FAT3: variants seen among roughly 807,000 people sequenced by gnomAD.
The protein encoded by FAT3 is FAT atypical cadherin 3.
FAT3 carries 95 observed loss-of-function variants against 310.2 expected under a neutral mutation model. The observed-to-expected ratio is 0.31, with a 90% CI of 0.26 to 0.36. The LOEUF is 0.36. FAT3 is among the 10% of genes least tolerant of loss of function. The pLI, the probability that FAT3 is intolerant of heterozygous loss-of-function variation, is 1.00. For synonymous variants in FAT3, 2,314 were observed against 2,192.9 expected, an observed-to-expected ratio of 1.06 and a Z score of -1.54; for missense variants, 5,408 against 5,715.6, an observed-to-expected ratio of 0.95 and a Z score of 1.74.
chr11:92,495,468 A>G (rs1454928141), intron 2 of FAT3, among the ~76,000 whole-genome samples: 2 of 152,110 alleles, frequency 1.3e-5, no homozygotes, highest in African/African-American at 4.8e-5. Context: ...ATTTTTCACT[A>G]TGATTTTCAT....
At chr11:92,300,202 C>T (rs947246564) in intron 1 of FAT3, among the ~76,000 whole-genome samples, 1 of 152,118 alleles carries the variant, frequency 6.6e-6, no homozygotes, top group Non-Finnish European at 1.5e-5. Flanking sequence ...ACTTACATGT[C>T]ATTATTCGTT....
chr11:92,371,946 G>A (rs772863471), intron 2 of FAT3, among the ~76,000 whole-genome samples: 1 of 152,172 alleles, frequency 6.6e-6, no homozygotes, highest in Non-Finnish European at 1.5e-5. Context: ...GGATGAAATG[G>A]AGACCACATA....
At chr11:92,820,921 A>G (rs1202984610) in intron 13 of FAT3, among the ~76,000 whole-genome samples, 1 of 152,128 alleles carries the variant, frequency 6.6e-6, no homozygotes, top group Non-Finnish European at 1.5e-5. Flanking sequence ...CACAGGTTCT[A>G]CTCTCCAAGG....
intron 2 of FAT3, among the ~76,000 whole-genome samples, chr11:92,467,296 C>T (rs12269974): frequency 0.055 from 8,395 of 151,778 alleles, 484 homozygotes; most frequent in African/African-American, 0.14. Flanking sequence ...GATGGTATCT[C>T]GTTGTTTTGA....
chr11:92,694,643 T>C lies in FAT3; in HGVS notation c.3608-2741T>C, dbSNP rs527840904. On this transcript the variant is annotated intron_variant, in intron 3 of 27. Transcript: ENST00000525166. ...GCCACACCACAATGGGCTGTGGCCATGTGACCCTGGGCAAGGAGCACCTGT... is the reference window on the plus strand; with the variant it reads ...GCCACACCACAATGGGCTGTGGCCACGTGACCCTGGGCAAGGAGCACCTGT... Among the ~76,000 whole-genome samples the C allele has an allele frequency of 4.6e-5, 7 of 152,286 alleles. No homozygotes were observed. In the South Asian group the frequency reaches 1.5e-3, roughly 32 times the overall value.
At chr11:92,630,659 A>C (rs1300889239) in intron 3 of FAT3, among the ~76,000 whole-genome samples, 7 of 152,180 alleles carry the variant, frequency 4.6e-5, no homozygotes, top group Non-Finnish European at 7.3e-5. Context: ...AACATCAAAG[A>C]ATTATCAAAC....
intron 7 of FAT3, among the ~76,000 whole-genome samples, chr11:92,783,641 TAC>T (rs933014738): frequency 6.6e-6 from 1 of 151,954 alleles, no homozygotes; most frequent in Non-Finnish European, 1.5e-5. Flanking sequence ...GACTCATCTC[TAC>T]AAAACAAAAA....
intron 2 of FAT3, among the ~76,000 whole-genome samples, chr11:92,413,151 G>T (rs1950333875): frequency 6.6e-6 from 1 of 151,924 alleles, no homozygotes; most frequent in Non-Finnish European, 1.5e-5. Context: ...CCATAATTTT[G>T]CCTTTTTCAT....
chr11:92,858,957 G>T (rs751398043), intron 20 of FAT3, among the ~76,000 whole-genome samples: 4 of 152,140 alleles, frequency 2.6e-5, no homozygotes, highest in Non-Finnish European at 4.4e-5. Context: ...TGGCTGACTG[G>T]TTAATATTTT....
intron 3 of FAT3, among the ~76,000 whole-genome samples, chr11:92,578,118 T>C (rs780735328): frequency 1.8e-4 from 28 of 152,152 alleles, no homozygotes; most frequent in Non-Finnish European, 3.7e-4. Flanking sequence ...TTAGAAAATA[T>C]GTGCAGGCTA....
At chr11:92,388,449 G>C (rs1414786706) in intron 2 of FAT3, among the ~76,000 whole-genome samples, 2 of 152,170 alleles carry the variant, frequency 1.3e-5, no homozygotes, top group African/African-American at 2.4e-5. Context: ...AAGAGAAATG[G>C]TAGGGAAGCA....
At chr11:92,300,706 G>A (rs1946976636) in intron 1 of FAT3, among the ~76,000 whole-genome samples, 1 of 152,040 alleles carries the variant, frequency 6.6e-6, no homozygotes, top group African/African-American at 2.4e-5. Flanking sequence ...CTAAATGCAA[G>A]CCCCCTGAGT....
chr11:92,366,223 C>G (rs1038760385), intron 2 of FAT3, among the ~76,000 whole-genome samples: 1 of 152,208 alleles, frequency 6.6e-6, no homozygotes, highest in Non-Finnish European at 1.5e-5. Flanking sequence ...ACCCAAGTCA[C>G]TACCTTTCGA....
chr11:92,271,480 G>A (rs144904975), intron 1 of FAT3, among the ~76,000 whole-genome samples: 394 of 151,958 alleles, frequency 2.6e-3, no homozygotes, highest in African/African-American at 8.7e-3. Context: ...CATTTATTTC[G>A]TTTTCTTCAC....
At chr11:92,840,509 TGAAGA>T in intron 17 of FAT3, 48 bp from the exon 18 acceptor site, 2 of 1,432,052 alleles carry the variant, frequency 1.4e-6, no homozygotes, top group South Asian at 3.1e-5. Flanking sequence ...TTAATGAATG[TGAAGA>T]GAAGTGTAAT....
At position 92,799,363 on chromosome 11, in the gene FAT3, G is replaced by T. The variant is rs1483786444; in HGVS notation, c.6350G>T (p.Gly2117Val). The T allele has an allele frequency of 6.2e-7, 1 of 1,613,768 alleles. No individual in the cohort carries two copies. The highest frequency in any genetic ancestry group is 8.5e-7 in the Non-Finnish European group (1 of 1,179,868). ...ATTGACAAAGATAAAGGTCCAAATG[G>T]AGAAGTGACCTATGTCCTGCAGGAT... ...TAIDKDKGPN[G>V]EVTYVLQDDY... Residue 2117 changes from glycine (G) to valine (V), a missense_variant, in exon 10 of 28, where the codon GGA (glycine) becomes GTA (valine). Around this residue, in one of 5 missense-constraint regions of FAT3, gnomAD observed 4,588 missense variants for 4,809.8 expected, o/e 0.95. Coordinates refer to ENST00000525166, the MANE Select transcript of FAT3 (RefSeq NM_001367949.2).
At position 92,355,023 on chromosome 11, in the gene FAT3, G is replaced by C. The variant is rs752625417; in HGVS notation, c.2911G>C (p.Val971Leu). The change falls in exon 2 of 28, where the codon GTG becomes CTG. Residue 971 changes from valine (V) to leucine (L), a missense_variant. Val to Leu is a conservative substitution (Grantham distance 32). This residue lies in a region of FAT3 where 4,588 missense variants were observed against 4,809.8 expected (regional missense o/e 0.95). Transcript: ENST00000525166. Reference protein sequence around the residue: ...HDPDLGLGGQVRYSLVNDYNG... With the variant: ...HDPDLGLGGQLRYSLVNDYNG... The stretch of plus-strand genomic sequence containing the variant: ...TCCAGATCTTGGACTGGGGGGTCAA[G>C]TGCGCTATTCTTTGGTCAATGACTA... The C allele has an allele frequency of 5.6e-6, 9 of 1,613,722 alleles. No homozygotes were observed. In the East Asian group the frequency reaches 2.0e-4, roughly 36 times the overall value.
In FAT3 at chr11:92,600,989, C is replaced by G. The variant is rs564157010; in HGVS notation, c.3607+76041C>G. ...GCAAAGGTCTTGAGGCTGGAGCAAA[C>G]TTACGGACCAGAGCAAAGGCCTCTG... On this transcript the variant is annotated intron_variant, in intron 3 of 27. Transcript: ENST00000525166. 2.6e-5 allele frequency among the ~76,000 whole-genome samples: 4 copies of G among 152,230 alleles called. No individual in the cohort carries two copies. In the South Asian group the frequency reaches 6.2e-4, roughly 24 times the overall value.
chr11:92,615,258 T>C (rs1418888841), intron 3 of FAT3, among the ~76,000 whole-genome samples: 1 of 152,230 alleles, frequency 6.6e-6, no homozygotes, highest in Non-Finnish European at 1.5e-5. Flanking sequence ...TTTACTTAAT[T>C]TTTTTGAGAC....
Sources: allele counts gnomAD v4.1 joint callset (sites outside exome capture counted in the v4.1 genomes callset), GRCh38; gene constraint gnomAD v4.1.1; regional missense constraint gnomAD v4.1.1; transcripts MANE v1.5; gene names NCBI Gene and HGNC (gene_info 2026-07-23, HGNC 2026-07-21).